Variants in GAR1 observed in about 807,000 individuals in gnomAD.
The protein encoded by GAR1 is H/ACA ribonucleoprotein complex subunit 1.
A neutral mutation model predicts 29.3 loss-of-function variants in GAR1; 11 were observed. The ratio of observed to expected loss-of-function variants is 0.38; its 90% CI spans 0.24 to 0.62. The LOEUF (loss-of-function observed/expected upper bound fraction) is 0.62. Ranked by LOEUF, GAR1 falls within the 20% of genes least tolerant of loss-of-function variation. The probability of loss-of-function intolerance (pLI) is 0.62; values close to 1 mark genes in which losing one functional copy is unlikely to be tolerated. For missense variants in GAR1, 237 were observed against 268.4 expected (o/e 0.88, Z 0.82); for synonymous variants, 87 against 93.3 (o/e 0.93, Z 0.39).
Position 109,824,019 on chromosome 4 carries a change from G to T in GAR1, c.626G>T (p.Gly209Val). Residue 209 changes from glycine to valine, a missense_variant, in exon 6 of 7, where the codon GGT becomes GTT. Gly to Val is a moderately radical substitution (Grantham distance 109). Transcript: ENST00000226796. ...GGTGGGGGCTTCAGAGGAGGAAGAGGTGGTGGTTTCAGAGGTGAGTATTTT... is the reference window on the plus strand; with the variant it reads ...GGTGGGGGCTTCAGAGGAGGAAGAGTTGGTGGTTTCAGAGGTGAGTATTTT... Reference protein sequence around the residue: ...GGGGGFRGGRGGGFRGRGH With the variant: ...GGGGGFRGGRVGGFRGRGH 1 of 1,605,344 alleles carries T rather than the reference G, an allele frequency of 6.2e-7. No homozygotes were observed. The highest frequency in any genetic ancestry group is 1.1e-5 in the South Asian group (1 of 90,326).
In GAR1 at chr4:109,822,492, A is replaced by G. The variant is rs1733541451; in HGVS notation, c.571+4A>G. ...GGCAGAGGTGGTGGCAGAGGCGGTAAGTTACTTGGGGAAAATTTCTAATGA... is the reference window on the plus strand; with the variant it reads ...GGCAGAGGTGGTGGCAGAGGCGGTAGGTTACTTGGGGAAAATTTCTAATGA... On this transcript the variant is annotated splice_donor_region_variant and intron_variant, in intron 5 of 6. Coordinates refer to ENST00000226796, the MANE Select transcript of GAR1 (RefSeq NM_018983.4). 2 of 1,591,066 alleles carry G rather than the reference A, an allele frequency of 1.3e-6. No individual in the cohort carries two copies. The highest frequency in any genetic ancestry group is 1.7e-6 in the Non-Finnish European group (2 of 1,172,824).
rs771754090 is a variant in GAR1 at position 109,824,449 on chromosome 4, C to T, written c.*18C>T. ...GACATTAAGTGAAACAGTTGACAGA[C>T]ATCACCAGTTGACTTCTGCATTAAC... is the stretch of plus-strand genomic sequence containing the variant. On this transcript the variant is annotated 3_prime_UTR_variant, in exon 7 of 7. Transcript: ENST00000226796. 3.4e-5 allele frequency: 53 copies of T among 1,574,122 alleles called. No homozygotes were observed. The highest frequency in any genetic ancestry group is 4.2e-5 in the Non-Finnish European group (48 of 1,144,442).
chr4:109,822,093 T>C (rs199902120), intron 4 of GAR1, among the ~76,000 whole-genome samples: 4 of 139,894 alleles, frequency 2.9e-5, no homozygotes, highest in East Asian at 4.2e-4. Flanking sequence ...CAAACCACCA[T>C]GGCACATGTG....
At chr4:109,822,584 T>C in intron 5 of GAR1, 96 bp downstream of exon 5, 1 of 1,271,648 alleles carries the variant, frequency 7.9e-7, no homozygotes, top group African/African-American at 1.5e-5. Context: ...CAAACCTCCC[T>C]TATGGTTCTT....
intron 1 of GAR1, 22 bp from the exon 2 acceptor site, chr4:109,816,129 CAT>C (rs772284296): frequency 4.4e-6 from 7 of 1,597,254 alleles, no homozygotes; most frequent in Non-Finnish European, 6.0e-6. Context: ...GATCAGAAGA[CAT>C]AGGTCGTTTT....
intron 4 of GAR1, among the ~76,000 whole-genome samples, chr4:109,819,780 A>G (rs77331919): frequency 6.6e-6 from 1 of 152,238 alleles, no homozygotes; most frequent in Non-Finnish European, 1.5e-5. Flanking sequence ...AGGAAAGTGC[A>G]TTCCAAGTAG....
intron 4 of GAR1, among the ~76,000 whole-genome samples, chr4:109,820,871 A>G (rs936333624): frequency 6.6e-6 from 1 of 152,196 alleles, no homozygotes; most frequent in Non-Finnish European, 1.5e-5. Context: ...TGTTGAGCCC[A>G]GAAAGAAACA....
intron 5 of GAR1, 157 bp downstream of exon 5, chr4:109,822,645 T>C: frequency 1.5e-6 from 1 of 669,702 alleles, no homozygotes; most frequent in South Asian, 3.5e-5. Context: ...ATAATAATGC[T>C]TCATTTCAAC....
chr4:109,820,416 A>G (rs1214131337), intron 4 of GAR1, among the ~76,000 whole-genome samples: 1 of 152,154 alleles, frequency 6.6e-6, no homozygotes, highest in Non-Finnish European at 1.5e-5. Context: ...GGAAGAGTCT[A>G]GACTGGAAAT....
At position 109,824,030 on chromosome 4, in the gene GAR1, A is replaced by C; in HGVS notation, c.637A>C (p.Arg213=). 1 of 1,594,006 alleles carries C rather than the reference A, an allele frequency of 6.3e-7. No individual in the cohort carries two copies. The highest frequency in any genetic ancestry group is 8.6e-7 in the Non-Finnish European group (1 of 1,163,808). The change falls in exon 6 of 7, where the codon AGA becomes CGA. Residue 213 remains arginine, a synonymous_variant. Transcript: ENST00000226796. ...GFRGGRGGGF[R]GRGH is the part of the protein sequence containing the mutation. ...CAGAGGAGGAAGAGGTGGTGGTTTC[A>C]GAGGTGAGTATTTTAAAAAGTCTTT...
At chr4:109,818,485 C>T (rs1298568678) in intron 3 of GAR1, among the ~76,000 whole-genome samples, 1 of 149,354 alleles carries the variant, frequency 6.7e-6, no homozygotes, top group Non-Finnish European at 1.5e-5. Flanking sequence ...CTCTCTCTTT[C>T]TCTCTCTCTT....
intron 5 of GAR1, among the ~76,000 whole-genome samples, chr4:109,822,783 A>G (rs1394465194): frequency 6.6e-6 from 1 of 152,200 alleles, no homozygotes; most frequent in East Asian, 1.9e-4. Flanking sequence ...TCCTTAGTTA[A>G]TATTATTGAG....
chr4:109,818,287 CT>C lies in GAR1; in HGVS notation c.369+206del, dbSNP rs756845124. Among the ~76,000 whole-genome samples, 8 of 151,216 alleles carry C rather than the reference CT, an allele frequency of 5.3e-5. No homozygotes were observed. The East Asian group carries it at 1.5e-3, about 29-fold the overall frequency. Reference sequence around the variant, plus strand: ...AAAATGACAGACCCTAGAACGGTGACTTTTTTTTTGGAAAATTCTATTAATG... The same window carrying C: ...AAAATGACAGACCCTAGAACGGTGACTTTTTTTTGGAAAATTCTATTAATG... On this transcript the variant is annotated intron_variant, in intron 3 of 6. Transcript: ENST00000226796.
At chr4:109,816,020 G>A (rs1015801540) in intron 1 of GAR1, 133 bp from the exon 2 acceptor site, 2 of 855,898 alleles carry the variant, frequency 2.3e-6, no homozygotes, top group Non-Finnish European at 3.9e-6. Flanking sequence ...GTGGTCACTG[G>A]CTGTCTGACC....
chr4:109,816,032 T>G, intron 1 of GAR1, 121 bp from the exon 2 acceptor site: 2 of 920,726 alleles, frequency 2.2e-6, no homozygotes, highest in Non-Finnish European at 3.5e-6. Context: ...TGTCTGACCG[T>G]GGGTGAGGTG....
At chr4:109,822,133 A>G (rs1336276873) in intron 4 of GAR1, among the ~76,000 whole-genome samples, 1 of 144,328 alleles carries the variant, frequency 6.9e-6, no homozygotes, top group African/African-American at 2.6e-5. Context: ...CACGTTCTGC[A>G]CATGTATCCC....
chr4:109,817,902 T>C, intron 2 of GAR1, 34 bp from the exon 3 acceptor site: 1 of 1,566,528 alleles, frequency 6.4e-7, no homozygotes, highest in Non-Finnish European at 8.7e-7. Context: ...TTTGAAATAG[T>C]TCTATGTTTT....
chr4:109,817,923 T>TG lies in GAR1; in HGVS notation c.215-12dup, dbSNP rs1489123752. The TG allele has an allele frequency of 3.0e-5, 48 of 1,589,998 alleles. No homozygotes were observed. Among genetic ancestry groups the TG allele is most frequent in the Non-Finnish European group, 4.0e-5 (47 of 1,169,348 alleles). ...ATAGTTCTATGTTTTAACATTTTCT[T>TG]GTCCTGTTTCAGTATTAGGAGAGTT... On this transcript the variant is annotated splice_polypyrimidine_tract_variant and intron_variant, in intron 2 of 6. Transcript: ENST00000226796.
intron 4 of GAR1, 134 bp from the exon 5 acceptor site, chr4:109,822,213 C>A: frequency 5.5e-6 from 3 of 548,530 alleles, no homozygotes; most frequent in Non-Finnish European, 6.3e-6. Flanking sequence ...AAGTCTCTAC[C>A]CAGGGATATG....
Sources: allele counts gnomAD v4.1 joint callset (sites outside exome capture counted in the v4.1 genomes callset), GRCh38; gene constraint gnomAD v4.1.1; transcripts MANE v1.5; gene names NCBI Gene and HGNC (gene_info 2026-07-23, HGNC 2026-07-21).